The following RBFOX3 variants were observed in gnomAD, a reference collection of about 807,000 sequenced individuals.
RBFOX3 encodes the protein RNA binding fox-1 homolog 3.
In RBFOX3, 17 loss-of-function variants were observed where a neutral mutation model predicts 48.7. That is an observed-to-expected ratio of 0.35 (90% CI 0.24 to 0.52). The LOEUF is 0.52. Among genes scored for constraint, RBFOX3 ranks in the 20% least tolerant of loss-of-function variants. The probability of loss-of-function intolerance (pLI) is 0.94; values close to 1 mark genes in which losing one functional copy is unlikely to be tolerated. For synonymous variants in RBFOX3, 212 were observed against 209.5 expected (o/e 1.01, Z -0.10); for missense variants, 382 against 497.5 (o/e 0.77, Z 2.21).
chr17:79,384,852 C>T (rs752828819), intron 2 of RBFOX3, among the ~76,000 whole-genome samples: 5 of 152,234 alleles, frequency 3.3e-5, no homozygotes, highest in African/African-American at 7.2e-5. Flanking sequence ...AAGAGTCCAG[C>T]GGCAAAACGC....
At chr17:79,332,512 G>A (rs1011862395) in intron 2 of RBFOX3, among the ~76,000 whole-genome samples, 2 of 140,528 alleles carry the variant, frequency 1.4e-5, no homozygotes, top group African/African-American at 2.5e-5. Context: ...GAGGGGAGGG[G>A]AGCACATGAG....
intron 4 of RBFOX3, among the ~76,000 whole-genome samples, chr17:79,200,055 T>C (rs1192407244): frequency 2.0e-5 from 3 of 147,176 alleles, no homozygotes; most frequent in Non-Finnish European, 4.5e-5. Context: ...CCCAGCTACT[T>C]GGGAGGCTGA....
At chr17:79,416,683 G>A (rs1555719249) in intron 2 of RBFOX3, among the ~76,000 whole-genome samples, 1 of 152,198 alleles carries the variant, frequency 6.6e-6, no homozygotes, top group African/African-American at 2.4e-5. Flanking sequence ...ACCCCTCCAG[G>A]TTGGGATGGG....
In RBFOX3 at chr17:79,304,397, G is replaced by A. The variant is rs1040266328; in HGVS notation, c.-74+3327C>T. 3.3e-5 allele frequency among the ~76,000 whole-genome samples: 5 copies of A among 149,442 alleles called. No individual in the cohort carries two copies. The East Asian group carries it at 7.8e-4, about 23-fold the overall frequency. On this transcript the variant is annotated intron_variant, in intron 3 of 14. Transcript: ENST00000693108. Reference sequence around the variant, plus strand: ...ATATGTACATATATTTGTATATAATGTAAATATATGCATATATGTACATAT... The same window carrying A: ...ATATGTACATATATTTGTATATAATATAAATATATGCATATATGTACATAT...
intron 2 of RBFOX3, among the ~76,000 whole-genome samples, chr17:79,348,434 A>G (rs182418789): frequency 1.1e-4 from 17 of 152,206 alleles, no homozygotes; most frequent in African/African-American, 3.4e-4. Flanking sequence ...CCCATGCACA[A>G]TGATTTGAAA....
chr17:79,179,991 A>G (rs566326859), intron 4 of RBFOX3, among the ~76,000 whole-genome samples: 57 of 152,370 alleles, frequency 3.7e-4, no homozygotes, highest in African/African-American at 1.3e-3. Context: ...TTCAAAGGGC[A>G]TGAAGTGAGT....
intron 2 of RBFOX3, among the ~76,000 whole-genome samples, chr17:79,322,515 G>A (rs1008812085): frequency 7.2e-5 from 11 of 152,196 alleles, no homozygotes; most frequent in Non-Finnish European, 1.5e-4. Flanking sequence ...GTAGATTGCA[G>A]AGCTGAGGAC....
At chr17:79,237,681 A>G (rs1327240264) in intron 3 of RBFOX3, among the ~76,000 whole-genome samples, 2 of 152,214 alleles carry the variant, frequency 1.3e-5, no homozygotes, top group Non-Finnish European at 2.9e-5. Flanking sequence ...AGGGAGGGCT[A>G]TGGGCCAAGG....
intron 2 of RBFOX3, among the ~76,000 whole-genome samples, chr17:79,411,272 T>A (rs923734172): frequency 6.6e-6 from 1 of 152,146 alleles, no homozygotes; most frequent in African/African-American, 2.4e-5. Flanking sequence ...AAAGGCATTT[T>A]GGGGTGGGGG....
chr17:79,278,006 T>C (rs2069321012), intron 3 of RBFOX3, among the ~76,000 whole-genome samples: 1 of 152,170 alleles, frequency 6.6e-6, no homozygotes, highest in African/African-American at 2.4e-5. Context: ...TGGAGACTTC[T>C]GTGTGATATG....
intron 1 of RBFOX3, among the ~76,000 whole-genome samples, chr17:79,500,182 A>G (rs1455264697): frequency 1.3e-5 from 2 of 152,016 alleles, no homozygotes; most frequent in Non-Finnish European, 2.9e-5. Context: ...CCACAGACCC[A>G]TAAGGGAGAC....
intron 1 of RBFOX3, among the ~76,000 whole-genome samples, chr17:79,525,576 C>T (rs1348583469): frequency 1.3e-5 from 2 of 152,208 alleles, no homozygotes; most frequent in Non-Finnish European, 2.9e-5. Context: ...GAATTATCTG[C>T]ACCTCTGTAA....
intron 3 of RBFOX3, among the ~76,000 whole-genome samples, chr17:79,237,655 C>T (rs1567895103): frequency 6.6e-6 from 1 of 152,178 alleles, no homozygotes; most frequent in Admixed American, 6.5e-5. Flanking sequence ...ATAGGCGGGC[C>T]CCTCCCAGCC....
At position 79,308,295 on chromosome 17, in the gene RBFOX3, G is replaced by A. The variant is rs567244702; in HGVS notation, c.-174-471C>T. On this transcript the variant is annotated intron_variant, in intron 2 of 14. Coordinates refer to ENST00000693108, the MANE Select transcript of RBFOX3 (RefSeq NM_001350451.2). ...CATCCTAGAGGAAATTGTAACGGCCGGCGTGGGTTGAGCAGCCCTCGTGGT... is the reference window on the plus strand; with the variant it reads ...CATCCTAGAGGAAATTGTAACGGCCAGCGTGGGTTGAGCAGCCCTCGTGGT... Among the ~76,000 whole-genome samples, 27 of 152,338 alleles carry A rather than the reference G, an allele frequency of 1.8e-4. No homozygotes were observed. In the East Asian group the frequency reaches 3.1e-3, roughly 17 times the overall value.
chr17:79,137,286 G>C (rs545351073), intron 4 of RBFOX3, among the ~76,000 whole-genome samples: 1 of 151,594 alleles, frequency 6.6e-6, no homozygotes, highest in East Asian at 1.9e-4. Context: ...CACAAGACAT[G>C]CAGTCCCTGT....
At chr17:79,496,830 A>T (rs1177306833) in intron 1 of RBFOX3, among the ~76,000 whole-genome samples, 1 of 152,186 alleles carries the variant, frequency 6.6e-6, no homozygotes, top group Non-Finnish European at 1.5e-5. Context: ...GAATGCCGAA[A>T]GCCTGCCTGC....
Position 79,101,594 on chromosome 17 carries a change from G to A in RBFOX3, c.558C>T (p.Pro186=), listed in dbSNP as rs1446772254. 3.9e-6 allele frequency: 6 copies of A among 1,551,058 alleles called. No individual in the cohort carries two copies. The highest frequency in any genetic ancestry group is 1.4e-5 in the African/African-American group (1 of 73,034). ...RVMTNKKTGN[P]YTNGWKLNPV... is the part of the protein sequence containing the mutation. ...GACCCAGCCCCTTACCGTTGGTGTA[G>A]GGGTTCCCCGTCTTCTTGTTGGTCA... Residue 186 remains proline (P), a synonymous_variant, in exon 9 of 15, where the codon CCC becomes CCT. Transcript: ENST00000693108.
At chr17:79,325,146 G>A (rs908851565) in intron 2 of RBFOX3, among the ~76,000 whole-genome samples, 1 of 152,196 alleles carries the variant, frequency 6.6e-6, no homozygotes, top group Non-Finnish European at 1.5e-5. Context: ...CTATGTGCTG[G>A]GCCCTGCATC....
chr17:79,664,014 G>T, the RBFOX3 span, among the ~76,000 whole-genome samples: 1 of 152,112 alleles, frequency 6.6e-6, no homozygotes, highest in African/African-American at 2.4e-5. Context: ...CGACGAGCAG[G>T]CCTCGCCAGC....
Sources: allele counts gnomAD v4.1 joint callset (sites outside exome capture counted in the v4.1 genomes callset), GRCh38; gene constraint gnomAD v4.1.1; transcripts MANE v1.5; gene names NCBI Gene and HGNC (gene_info 2026-07-23, HGNC 2026-07-21).